ACSM1: variants seen among roughly 807,000 people sequenced by gnomAD.
The protein encoded by ACSM1 is acyl-CoA synthetase medium chain family member 1.
ACSM1 carries 79 observed loss-of-function variants against 75.8 expected under a neutral mutation model. The observed-to-expected ratio is 1.04, with a 90% confidence interval of 0.87 to 1.26. The LOEUF is 1.26. Ranked by LOEUF, ACSM1 falls within the 50% of genes most tolerant of loss-of-function variation. ACSM1 has a pLI of 0.00. For synonymous variants in ACSM1, 279 were observed against 265.8 expected, an observed-to-expected ratio of 1.05 and a Z score of -0.48; for missense variants, 676 against 720.1, an observed-to-expected ratio of 0.94 and a Z score of 0.70.
chr16:20,651,981 G>A (rs2018673215), intron 7 of ACSM1, among the ~76,000 whole-genome samples: 1 of 152,112 alleles, frequency 6.6e-6, no homozygotes, highest in Non-Finnish European at 1.5e-5. Context: ...AAGACAGAGT[G>A]ATCTTTGATT....
At chr16:20,636,693 G>A in intron 10 of ACSM1, 46 bp downstream of exon 10, 1 of 1,436,840 alleles carries the variant, frequency 7.0e-7, no homozygotes, top group Non-Finnish European at 9.8e-7. Flanking sequence ...AGAGCTCCCT[G>A]TTGGGATCCT....
chr16:20,665,747 G>A (rs567688575), intron 6 of ACSM1, among the ~76,000 whole-genome samples: 2 of 152,216 alleles, frequency 1.3e-5, no homozygotes, highest in South Asian at 4.1e-4. Flanking sequence ...CAAAATACTA[G>A]TAAACTGAGT....
At chr16:20,655,362 C>T (rs918777298) in intron 7 of ACSM1, among the ~76,000 whole-genome samples, 1 of 151,138 alleles carries the variant, frequency 6.6e-6, no homozygotes, top group Non-Finnish European at 1.5e-5. Flanking sequence ...CAAACCTGTA[C>T]GTTGTGCACA....
intron 7 of ACSM1, among the ~76,000 whole-genome samples, chr16:20,645,528 G>A (rs1333254717): frequency 6.6e-6 from 1 of 152,176 alleles, no homozygotes; most frequent in African/African-American, 2.4e-5. Context: ...TTTTACGAGG[G>A]TTGGGACAAT....
chr16:20,649,006 G>A (rs778537207), intron 7 of ACSM1, among the ~76,000 whole-genome samples: 36 of 152,074 alleles, frequency 2.4e-4, no homozygotes, highest in Non-Finnish European at 4.0e-4. Context: ...GTAAATCCTC[G>A]AGAAGTTGGG....
intron 4 of ACSM1, chr16:20,680,639 A>T (rs2079423782): frequency 6.6e-6 from 1 of 152,228 alleles, no homozygotes; most frequent in Non-Finnish European, 1.5e-5. Context: ...GCTTTCACAG[A>T]GGCAGTAGGA....
rs1424309262 is a variant in ACSM1, at chr16:20,627,276, A to C, written c.1340T>G (p.Phe447Cys). Residue 447 changes from phenylalanine to cysteine, a missense_variant, in exon 11 of 14, where the codon TTC (phenylalanine) becomes TGC (cysteine). By Grantham distance (205) the Phe-to-Cys change is radical. Coordinates refer to ENST00000520010, the MANE Select transcript of ACSM1 (RefSeq NM_001318890.3). ...EKTAKVECGD[F>C]YNTGDRGKMD... ...CTTACCTCTGTCCCCAGTGTTGTAG[A>C]AGTCCCCACATTCCACTTTAGCTGT... The C allele has an allele frequency of 1.3e-6, 2 of 1,585,972 alleles. No individual in the cohort carries two copies. Among genetic ancestry groups the C allele is most frequent in the East Asian group, 4.9e-5 (2 of 41,214 alleles).
In ACSM1 at chr16:20,691,015, G is replaced by C; in HGVS notation, c.174C>G (p.Tyr58Ter). 6.2e-7 allele frequency: 1 copy of C among 1,611,974 alleles called. No individual in the cohort carries two copies. The highest frequency in any genetic ancestry group is 8.5e-7 in the Non-Finnish European group (1 of 1,179,150). The change falls in exon 2 of 14, where the codon TAC becomes TAG. Residue 58 changes from tyrosine to a stop codon, truncating the protein, a stop_gained. Transcript: ENST00000520010. LOFTEE classifies it high-confidence loss of function. Reference sequence around the variant, plus strand: ...CTCTTACCTTCTCCTTTTGAGCCCAGTAGTCCAGTACATAACTTGCAAAGT... The same window carrying C: ...CTCTTACCTTCTCCTTTTGAGCCCACTAGTCCAGTACATAACTTGCAAAGT... The part of the protein sequence containing the change: ...EFNFASYVLD[Y>*]WAQKEKEGKR...
chr16:20,652,205 T>C (rs928743566), intron 7 of ACSM1, among the ~76,000 whole-genome samples: 3 of 152,254 alleles, frequency 2.0e-5, no homozygotes, highest in South Asian at 4.1e-4. Context: ...ATCAGGTACA[T>C]GTAATGGAAT....
intron 2 of ACSM1, among the ~76,000 whole-genome samples, chr16:20,687,137 G>A (rs2079568555): frequency 6.6e-6 from 1 of 152,092 alleles, no homozygotes; most frequent in South Asian, 2.1e-4. Flanking sequence ...GGGTTGCGGA[G>A]GGACTGGCTT....
At chr16:20,657,284 G>T (rs1197305461) in intron 7 of ACSM1, among the ~76,000 whole-genome samples, 1 of 151,592 alleles carries the variant, frequency 6.6e-6, no homozygotes. Flanking sequence ...TTGTTTTTTT[G>T]GGTTTGTTTT....
At chr16:20,692,987 G>C (rs959300160) in intron 1 of ACSM1, among the ~76,000 whole-genome samples, 1 of 152,000 alleles carries the variant, frequency 6.6e-6, no homozygotes, top group Non-Finnish European at 1.5e-5. Flanking sequence ...TGGCTAACAT[G>C]ATGAAACCCT....
In ACSM1 at chr16:20,655,660, A is replaced by ATTTTG. The variant is rs995742041; in HGVS notation, c.992+6129_992+6133dup. Among the ~76,000 whole-genome samples the ATTTTG allele has an allele frequency of 1.6e-4, 25 of 152,058 alleles. 1 individual carries two copies. Among genetic ancestry groups the ATTTTG allele is most frequent in the Admixed American group, 1.4e-3 (21 of 15,248 alleles). ...ATTACAAATATTGTCTTATTATTTT[A>ATTTTG]TTTTGTTTTGTTTTGTTTTTGAGAT... On this transcript the variant is annotated intron_variant, in intron 7 of 13. Transcript: ENST00000520010.
chr16:20,640,627 G>A (rs940093049), intron 7 of ACSM1, 43 bp from the exon 8 acceptor site: 43 of 1,613,260 alleles, frequency 2.7e-5, no homozygotes, highest in Non-Finnish European at 3.1e-5. Flanking sequence ...AGCCACCCTG[G>A]CTCTGTGCAT....
At chr16:20,627,639 C>T (rs1172306485) in intron 10 of ACSM1, among the ~76,000 whole-genome samples, 2 of 151,772 alleles carry the variant, frequency 1.3e-5, no homozygotes, top group African/African-American at 2.4e-5. Flanking sequence ...GGCCAGCCTG[C>T]CCAACATAGT....
intron 4 of ACSM1, chr16:20,682,050 G>A: frequency 1.9e-6 from 1 of 532,166 alleles, no homozygotes. Context: ...GCTTCCCCCT[G>A]CACAGATCTC....
At chr16:20,664,360 A>C (rs1375495011) in intron 6 of ACSM1, among the ~76,000 whole-genome samples, 1 of 152,104 alleles carries the variant, frequency 6.6e-6, no homozygotes, top group Non-Finnish European at 1.5e-5. Context: ...CCTTATTCTT[A>C]TATCAGATAA....
chr16:20,624,961 T>C (rs1237668852), intron 12 of ACSM1, among the ~76,000 whole-genome samples: 1 of 151,990 alleles, frequency 6.6e-6, no homozygotes, highest in Non-Finnish European at 1.5e-5. Context: ...CCTCAGGTGA[T>C]CGGTCCACCT....
intron 1 of ACSM1, among the ~76,000 whole-genome samples, chr16:20,692,087 C>T (rs1013009663): frequency 6.6e-6 from 1 of 152,126 alleles, no homozygotes; most frequent in Non-Finnish European, 1.5e-5. Flanking sequence ...GTTTCTGTCA[C>T]TTGAGACTAT....
Sources: allele counts gnomAD v4.1 joint callset (sites outside exome capture counted in the v4.1 genomes callset), GRCh38; gene constraint gnomAD v4.1.1; transcripts MANE v1.5; gene names NCBI Gene and HGNC (gene_info 2026-07-23, HGNC 2026-07-21).